Variants in SPECC1L observed in about 807,000 individuals in gnomAD.
SPECC1L encodes sperm antigen with calponin homology and coiled-coil domains 1 like.
In SPECC1L, 40 loss-of-function variants were observed where a neutral mutation model predicts 116.8. The observed-to-expected ratio is 0.34, with a 90% CI of 0.27 to 0.45. The LOEUF is 0.45. SPECC1L is among the 20% of genes least tolerant of loss of function. The pLI is 1.00. For missense variants in SPECC1L, 1,110 were observed against 1,373.6 expected, an observed-to-expected ratio of 0.81 and a Z score of 3.03; for synonymous variants, 504 against 500.6, an observed-to-expected ratio of 1.01 and a Z score of -0.09.
chr22:24,274,867 C>G (rs2048802016), intron 1 of SPECC1L, among the ~76,000 whole-genome samples: 1 of 152,224 alleles, frequency 6.6e-6, no homozygotes, highest in South Asian at 2.1e-4. Flanking sequence ...AGGTGCTTCA[C>G]TGAGCTGCAC....
chr22:24,382,704 CAAAAAAA>C (rs34174849), intron 14 of SPECC1L, among the ~76,000 whole-genome samples: 6 of 59,648 alleles, frequency 1.0e-4, no homozygotes, highest in Admixed American at 4.2e-4. Context: ...GACTCCATCT[CAAAAAAA>C]AAAAAAAAAA....
At chr22:24,316,901 C>T (rs1271165492) in intron 4 of SPECC1L, among the ~76,000 whole-genome samples, 17 of 122,466 alleles carry the variant, frequency 1.4e-4, no homozygotes, top group Middle Eastern at 4.0e-3. Flanking sequence ...GCTGGCCGGG[C>T]GGGGGGCTGA....
At chr22:24,407,972 C>T (rs1190513555) in intron 14 of SPECC1L, among the ~76,000 whole-genome samples, 1 of 152,178 alleles carries the variant, frequency 6.6e-6, no homozygotes, top group Non-Finnish European at 1.5e-5. Context: ...TATGATACAC[C>T]TCACTTTGAA....
At chr22:24,377,618 C>G (rs2041995897) in intron 14 of SPECC1L, among the ~76,000 whole-genome samples, 1 of 152,096 alleles carries the variant, frequency 6.6e-6, no homozygotes. Flanking sequence ...AGGCAAGACC[C>G]CATAGTTTAT....
rs2042698296 is a variant in SPECC1L at position 24,411,533 on chromosome 22, C to T, written c.3088-55C>T. On this transcript the variant is annotated intron_variant, in intron 14 of 16. Transcript: ENST00000314328. ...AGGCCTCCTGCGTCCTCCTTGGCAT[C>T]TCCTAAGAGGGTCCCAGCATGTGTT... is the stretch of plus-strand genomic sequence containing the variant. 3.3e-6 allele frequency: 5 copies of T among 1,519,256 alleles called. No individual in the cohort carries two copies. In the African/African-American group the frequency reaches 5.5e-5, roughly 17 times the overall value. The allele number at this position is 1,519,256 out of a possible 1,614,324, so 94.1% of individuals were successfully genotyped here.
intron 11 of SPECC1L, 139 bp from the exon 12 acceptor site, chr22:24,363,122 G>A: frequency 1.3e-6 from 1 of 758,968 alleles, no homozygotes; most frequent in East Asian, 2.7e-5. Context: ...CAGACTATGG[G>A]AAATTGTTGA....
At chr22:24,395,027 CAT>C (rs2042340738) in intron 14 of SPECC1L, among the ~76,000 whole-genome samples, 2 of 152,088 alleles carry the variant, frequency 1.3e-5, no homozygotes, top group African/African-American at 4.8e-5. Flanking sequence ...AGGGTTTCAT[CAT>C]GTTGCCCAGG....
chr22:24,297,265 GA>G (rs1168339284), intron 2 of SPECC1L, among the ~76,000 whole-genome samples: 1 of 150,736 alleles, frequency 6.6e-6, no homozygotes, highest in East Asian at 1.9e-4. Flanking sequence ...TATGTAGATA[GA>G]AAAAAACTGT....
At chr22:24,361,738 G>A (rs1437788215) in intron 11 of SPECC1L, among the ~76,000 whole-genome samples, 1 of 152,062 alleles carries the variant, frequency 6.6e-6, no homozygotes, top group East Asian at 1.9e-4. Flanking sequence ...AGAGGTTGCA[G>A]CGAGCCAAGA....
chr22:24,392,944 A>G (rs1490849342), intron 14 of SPECC1L, among the ~76,000 whole-genome samples: 1 of 152,174 alleles, frequency 6.6e-6, no homozygotes, highest in East Asian at 1.9e-4. Flanking sequence ...TAGCCTCTCC[A>G]ATATTTGGTC....
intron 10 of SPECC1L, among the ~76,000 whole-genome samples, chr22:24,338,835 A>G (rs2041115436): frequency 6.6e-6 from 1 of 152,146 alleles, no homozygotes; most frequent in Non-Finnish European, 1.5e-5. Flanking sequence ...AGGCCCAGAA[A>G]GGTTAAGTAA....
At chr22:24,335,870 A>G (rs1238366179) in intron 9 of SPECC1L, among the ~76,000 whole-genome samples, 1 of 152,086 alleles carries the variant, frequency 6.6e-6, no homozygotes, top group African/African-American at 2.4e-5. Context: ...TATGTATAAT[A>G]TAAGATAGTG....
At chr22:24,316,270 TTC>T (rs2040561216) in intron 4 of SPECC1L, among the ~76,000 whole-genome samples, 1 of 130,272 alleles carries the variant, frequency 7.7e-6, no homozygotes, top group Non-Finnish European at 1.6e-5. Context: ...TGAACAGATT[TTC>T]TTTTTATTTA....
chr22:24,337,162 G>C (rs2041076804), intron 9 of SPECC1L, among the ~76,000 whole-genome samples: 1 of 152,152 alleles, frequency 6.6e-6, no homozygotes, highest in Admixed American at 6.5e-5. Flanking sequence ...GCTCACAATA[G>C]CTAATAGATG....
intron 14 of SPECC1L, among the ~76,000 whole-genome samples, chr22:24,394,942 C>T (rs1265387243): frequency 1.3e-5 from 2 of 152,064 alleles, no homozygotes; most frequent in South Asian, 4.1e-4. Flanking sequence ...TCGACCCTCC[C>T]ACCTCAGCCT....
chr22:24,361,017 A>G (rs974686964), intron 11 of SPECC1L, among the ~76,000 whole-genome samples: 2 of 152,182 alleles, frequency 1.3e-5, no homozygotes, highest in African/African-American at 2.4e-5. Context: ...AGCTATATAC[A>G]TCCCATCTTT....
Position 24,302,497 on chromosome 22 carries a change from A to C in SPECC1L, c.153+113A>C, listed in dbSNP as rs190791541. 272 of 1,396,100 alleles carry C rather than the reference A, an allele frequency of 1.9e-4. 1 individual carries two copies. The African/African-American group carries it at 3.5e-3, about 18-fold the overall frequency. 86.5% of individuals were successfully genotyped at this position (1,396,100 alleles called of 1,614,324 possible). On this transcript the variant is annotated intron_variant, in intron 3 of 16. Coordinates refer to ENST00000314328, the MANE Select transcript of SPECC1L (RefSeq NM_015330.6). ...GGGTGTGCCCTCTTCTGGTGCTGGG[A>C]ACACTTGGCCTTTGAAGAGAGCTTA...
intron 14 of SPECC1L, among the ~76,000 whole-genome samples, chr22:24,402,056 C>T (rs1332174181): frequency 6.6e-6 from 1 of 151,024 alleles, no homozygotes; most frequent in Non-Finnish European, 1.5e-5. Context: ...AACACCTGGG[C>T]TCCATGATGA....
chr22:24,330,264 T>C lies in SPECC1L; in HGVS notation c.2229T>C (p.Ser743=). The part of the protein sequence containing the change: ...KTLHRRLREE[S]AEWRQFQADL... The stretch of plus-strand genomic sequence containing the variant: ...TTAGTTTTTTAATATAGGAAGAATC[T>C]GCGGAATGGCGGCAGTTTCAGGCTG... Residue 743 remains serine (S), a synonymous_variant, in exon 8 of 17, where the codon TCT becomes TCC. Transcript: ENST00000314328. 1 of 1,614,120 alleles carries C rather than the reference T, an allele frequency of 6.2e-7. No individual in the cohort carries two copies. The highest frequency in any genetic ancestry group is 8.5e-7 in the Non-Finnish European group (1 of 1,180,000).
Sources: gnomAD v4.1 joint callset for allele counts (sites outside exome capture counted in the v4.1 genomes callset) on GRCh38, gnomAD v4.1.1 for gene constraint, MANE v1.5 for transcripts, NCBI Gene and HGNC (gene_info 2026-07-23, HGNC 2026-07-21) for gene names.